Variants in ZNF43 observed in about 807,000 individuals in gnomAD.
ZNF43 encodes the protein zinc finger protein 39-like 1 (KOX 27).
In ZNF43, 44 loss-of-function variants were observed where a neutral mutation model predicts 68.4. That is an observed-to-expected ratio of 0.64 (90% confidence interval 0.51 to 0.83). ZNF43 has a LOEUF of 0.83. ZNF43 is among the 40% of genes least tolerant of loss of function. The pLI is 0.00. For missense variants in ZNF43, 896 were observed against 933.2 expected (o/e 0.96, Z 0.52); for synonymous variants, 308 against 307.8 (o/e 1.00, Z -0.01).
intron 3 of ZNF43, among the ~76,000 whole-genome samples, chr19:21,814,837 G>A (rs779927013): frequency 6.6e-6 from 1 of 151,908 alleles, no homozygotes; most frequent in Non-Finnish European, 1.5e-5. Flanking sequence ...CTACACTGAA[G>A]AAATACACTA....
intron 1 of ZNF43, among the ~76,000 whole-genome samples, chr19:21,846,642 A>T (rs1967973508): frequency 6.6e-6 from 1 of 152,186 alleles, no homozygotes; most frequent in Non-Finnish European, 1.5e-5. Flanking sequence ...CATCACTTTG[A>T]TGCTGGGTTC....
At chr19:21,820,797 A>G (rs942572541) in intron 1 of ZNF43, among the ~76,000 whole-genome samples, 1 of 151,844 alleles carries the variant, frequency 6.6e-6, no homozygotes, top group Non-Finnish European at 1.5e-5. Flanking sequence ...TTTTATGCAA[A>G]GTTCAAGATA....
At position 21,809,305 on chromosome 19, in the gene ZNF43, G is replaced by A. The variant is rs1294308581; in HGVS notation, c.732C>T (p.Arg244=). ...TATAATTTTTTTTATGTGTAGTAAG[G>A]CGTGAGGACCAATTAAAGACTTTGC... The part of the protein sequence containing the change: ...ECGKVFNWSS[R]LTTHKKNYTR... Residue 244 remains arginine, a synonymous_variant, in exon 4 of 4, where the codon CGC becomes CGT. Transcript: ENST00000354959. 1.2e-6 allele frequency: 2 copies of A among 1,613,058 alleles called. No individual in the cohort carries two copies. Among genetic ancestry groups the A allele is most frequent in the East Asian group, 2.2e-5 (1 of 44,790 alleles).
At chr19:21,838,308 C>T (rs1045362004), upstream of ZNF43, among the ~76,000 whole-genome samples, 3 of 152,054 alleles carry the variant, frequency 2.0e-5, no homozygotes, top group African/African-American at 7.2e-5. Context: ...GCAGTGGAAA[C>T]CTCTTTCATT....
chr19:21,835,384 G>T (rs2038664333), intron 1 of ZNF43, among the ~76,000 whole-genome samples: 1 of 136,730 alleles, frequency 7.3e-6, no homozygotes, highest in Non-Finnish European at 1.5e-5. Flanking sequence ...TCCAGAGGGA[G>T]TTTCACTCTG....
At chr19:21,819,307 T>C in intron 1 of ZNF43, 86 bp from the exon 2 acceptor site, 1 of 1,459,120 alleles carries the variant, frequency 6.9e-7, no homozygotes, top group Non-Finnish European at 9.1e-7. Flanking sequence ...CAAGGTAAAA[T>C]GAGAGAGTAA....
chr19:21,830,503 C>G (rs920658263), intron 1 of ZNF43, among the ~76,000 whole-genome samples: 1 of 150,366 alleles, frequency 6.7e-6, no homozygotes, highest in African/African-American at 2.5e-5. Flanking sequence ...TGTAAACAAA[C>G]CGGAAAATCT....
At chr19:21,834,394 T>C (rs2145337631) in intron 1 of ZNF43, among the ~76,000 whole-genome samples, 1 of 152,040 alleles carries the variant, frequency 6.6e-6, no homozygotes, top group South Asian at 2.1e-4. Flanking sequence ...CAGAGATTTT[T>C]ATTTTTTACA....
intron 1 of ZNF43, among the ~76,000 whole-genome samples, chr19:21,850,787 T>C (rs1393908584): frequency 6.6e-6 from 1 of 152,092 alleles, no homozygotes; most frequent in East Asian, 1.9e-4. Flanking sequence ...CAGCTATGTG[T>C]CACAATGCCA....
rs150201599 is a variant in ZNF43, at chr19:21,817,663, T to G, written c.229+225A>C. Reference sequence around the variant, plus strand: ...ATGAAGAGGACTTTGGCTGTCATGGTAAACTTGAAGGAAGATCACCGAAGG... The same window carrying G: ...ATGAAGAGGACTTTGGCTGTCATGGGAAACTTGAAGGAAGATCACCGAAGG... On this transcript the variant is annotated intron_variant, in intron 3 of 3. Transcript: ENST00000354959. Among the ~76,000 whole-genome samples the G allele has an allele frequency of 1.8e-4, 27 of 152,350 alleles. No individual in the cohort carries two copies. The East Asian group carries it at 5.0e-3, about 28-fold the overall frequency.
Position 21,807,647 on chromosome 19 carries a change from ACT to A in ZNF43, c.2388_2389del (p.Val797AspfsTer21), listed in dbSNP as rs2037002719. 1 of 1,566,056 alleles carries A rather than the reference ACT, an allele frequency of 6.4e-7. No individual in the cohort carries two copies. The highest frequency in any genetic ancestry group is 2.0e-5 in the Admixed American group (1 of 49,444). ...AAAAGTTTGAGGTGTTGTCAAAATC[ACT>A]GTCACATCTTCAGGTTTGTAGAGTT... On this transcript the variant is annotated frameshift_variant, in exon 4 of 4. Transcript: ENST00000354959. LOFTEE classifies it high-confidence loss of function.
At position 21,808,090 on chromosome 19, in the gene ZNF43, G is replaced by A. The variant is rs767775804; in HGVS notation, c.1947C>T (p.Pro649=). Residue 649 remains proline (P), a synonymous_variant, in exon 4 of 4, where the codon CCC becomes CCT. Coordinates refer to ENST00000354959, the MANE Select transcript of ZNF43 (RefSeq NM_003423.4). ...KHKIIHTEEK[P]YKCEECGKAF... ...CTTTGCCACATTCTTCACATTTGTA[G>A]GGTTTCTCCTCAGTGTGAATTATCT... 2.5e-6 allele frequency: 4 copies of A among 1,612,820 alleles called. No homozygotes were observed. Among genetic ancestry groups the A allele is most frequent in the South Asian group, 2.2e-5 (2 of 91,026 alleles).
At chr19:21,836,390 G>A (rs993036774), upstream of ZNF43, among the ~76,000 whole-genome samples, 21 of 152,222 alleles carry the variant, frequency 1.4e-4, no homozygotes, top group African/African-American at 5.1e-4. Context: ...TCCTCCCTGA[G>A]CAGAGCAGGC....
chr19:21,815,509 T>TATATA (rs1568355560), intron 3 of ZNF43, among the ~76,000 whole-genome samples: 24 of 129,584 alleles, frequency 1.9e-4, no homozygotes, highest in African/African-American at 6.4e-4. Flanking sequence ...ATATATATAT[T>TATATA]TTGCAGAATA....
At chr19:21,845,252 G>A (rs989631410) in intron 1 of ZNF43, 2 of 152,012 alleles carry the variant, frequency 1.3e-5, no homozygotes, top group East Asian at 1.9e-4. Flanking sequence ...AATGTTTTTG[G>A]GGGGCATGGT....
At chr19:21,834,224 G>C (rs2038571072) in intron 1 of ZNF43, among the ~76,000 whole-genome samples, 1 of 151,502 alleles carries the variant, frequency 6.6e-6, no homozygotes, top group Non-Finnish European at 1.5e-5. Flanking sequence ...GGTAGTTCCA[G>C]CTACTGGAGT....
At chr19:21,835,355 GTTTTT>G (rs554756455) in intron 1 of ZNF43, among the ~76,000 whole-genome samples, 16 of 119,626 alleles carry the variant, frequency 1.3e-4, no homozygotes, top group Non-Finnish European at 2.4e-4. Context: ...ATCTAGTTTA[GTTTTT>G]TTTTTTTTTT....
chr19:21,843,823 C>T (rs1967711586), intron 1 of ZNF43, among the ~76,000 whole-genome samples: 5 of 152,150 alleles, frequency 3.3e-5, no homozygotes, highest in Admixed American at 3.3e-4. Flanking sequence ...TGTGCTGAAT[C>T]TTGACCTGAG....
intron 1 of ZNF43, among the ~76,000 whole-genome samples, chr19:21,843,751 C>T (rs888975629): frequency 2.0e-5 from 3 of 151,858 alleles, no homozygotes; most frequent in African/African-American, 7.3e-5. Flanking sequence ...CATTGCACTC[C>T]GGCCTGGGCA....
Sources: gnomAD v4.1 joint callset for allele counts (sites outside exome capture counted in the v4.1 genomes callset) on GRCh38, gnomAD v4.1.1 for gene constraint, MANE v1.5 for transcripts, NCBI Gene and HGNC (gene_info 2026-07-23, HGNC 2026-07-21) for gene names.